PCDHGA1: variants seen among roughly 807,000 people sequenced by gnomAD.
The protein encoded by PCDHGA1 is protocadherin gamma subfamily A, 1, also known as protocadherin gamma-A1.
Under a neutral mutation model 58.0 loss-of-function variants are expected in PCDHGA1, and 32 were observed. The ratio of observed to expected loss-of-function variants is 0.55; its 90% confidence interval spans 0.42 to 0.74. PCDHGA1 has a LOEUF of 0.74. PCDHGA1 is among the 30% of genes least tolerant of loss of function. PCDHGA1 has a pLI of 0.00. For missense variants in PCDHGA1, 1,205 were observed against 1,182.3 expected, an observed-to-expected ratio of 1.02 and a Z score of -0.28; for synonymous variants, 498 against 501.1, an observed-to-expected ratio of 0.99 and a Z score of 0.08.
At chr5:141,338,497 C>T (rs1341838105) in intron 1 of PCDHGA1, among the ~76,000 whole-genome samples, 1 of 152,190 alleles carries the variant, frequency 6.6e-6, no homozygotes, top group Non-Finnish European at 1.5e-5. Context: ...ATGCCTTGAG[C>T]AGTCAATAAT....
At chr5:141,408,879 C>A in intron 1 of PCDHGA1, 1 of 1,613,504 alleles carries the variant, frequency 6.2e-7, no homozygotes. Context: ...AGTGCCACCG[C>A]TCACATAGAA....
intron 1 of PCDHGA1, chr5:141,352,221 C>A: frequency 6.2e-7 from 1 of 1,614,072 alleles, no homozygotes; most frequent in Non-Finnish European, 8.5e-7. Context: ...TCCGCCACCG[C>A]CACGCTGCAC....
chr5:141,363,785 C>G (rs1268075171), intron 1 of PCDHGA1, among the ~76,000 whole-genome samples: 1 of 152,020 alleles, frequency 6.6e-6, no homozygotes, highest in Non-Finnish European at 1.5e-5. Context: ...CTAAATTTAT[C>G]CTAATAAGGA....
intron 1 of PCDHGA1, chr5:141,396,533 T>A (rs942972836): frequency 2.0e-5 from 3 of 151,264 alleles, no homozygotes; most frequent in African/African-American, 7.3e-5. Flanking sequence ...GGCAGAAGAA[T>A]CACTTGAACC....
chr5:141,456,678 T>C (rs2098875796), intron 1 of PCDHGA1, among the ~76,000 whole-genome samples: 1 of 152,152 alleles, frequency 6.6e-6, no homozygotes, highest in South Asian at 2.1e-4. Flanking sequence ...TAAAAATGCA[T>C]TACTGGCCAG....
At position 141,355,954 on chromosome 5, in the gene PCDHGA1, C is replaced by T. The variant is rs748883538; in HGVS notation, c.2421+22849C>T. The stretch of plus-strand genomic sequence containing the variant: ...TCAGCCCGAGTACCACGTAAGTGTT[C>T]GTGAGAACGTTCCTGTAGGCACTCG... On this transcript the variant is annotated intron_variant, in intron 1 of 3. Coordinates refer to ENST00000517417, the MANE Select transcript of PCDHGA1 (RefSeq NM_018912.3). The T allele has an allele frequency of 1.9e-5, 30 of 1,613,706 alleles. No individual in the cohort carries two copies. In the African/African-American group the frequency reaches 2.9e-4, roughly 16 times the overall value.
chr5:141,343,926 A>T (rs895035430), intron 1 of PCDHGA1: 2 of 1,025,560 alleles, frequency 2.0e-6, no homozygotes, highest in African/African-American at 3.3e-5. Context: ...CAGCTGTTTG[A>T]CCTGTGAATT....
At chr5:141,478,535 C>G (rs1359742091) in intron 1 of PCDHGA1, 1 of 1,607,794 alleles carries the variant, frequency 6.2e-7, no homozygotes, top group Non-Finnish European at 8.5e-7. Flanking sequence ...AGAGAGCGCC[C>G]CTCCCGGACA....
intron 1 of PCDHGA1, chr5:141,370,780 A>T (rs1185164104): frequency 6.2e-7 from 1 of 1,613,990 alleles, no homozygotes; most frequent in Non-Finnish European, 8.5e-7. Context: ...ATTAACGACA[A>T]CCCACCGACC....
At position 141,509,907 on chromosome 5, in the gene PCDHGA1, C is replaced by G. The variant is rs149338646; in HGVS notation, c.2570-1040C>G. Among the ~76,000 whole-genome samples, 567 of 152,300 alleles carry G rather than the reference C, an allele frequency of 3.7e-3. 5 individuals carry two copies. Among genetic ancestry groups the G allele is most frequent in the Admixed American group, 0.011 (163 of 15,296 alleles). ...GTGACTGACTGTCCCTTCCAGCATGCGCTTAGGTACACTTGGGCCTGAATG... is the reference window on the plus strand; with the variant it reads ...GTGACTGACTGTCCCTTCCAGCATGGGCTTAGGTACACTTGGGCCTGAATG... On this transcript the variant is annotated intron_variant, in intron 3 of 3. Coordinates refer to ENST00000517417, the MANE Select transcript of PCDHGA1 (RefSeq NM_018912.3).
rs564226347 is a variant in PCDHGA1 at position 141,361,741 on chromosome 5, G to C, written c.2421+28636G>C. ...CTTCGAGCTCACACTGCAGGCCCGC[G>C]ACCAGGGCTCGCCCGCGCTCAGCGC... On this transcript the variant is annotated intron_variant, in intron 1 of 3. Coordinates refer to ENST00000517417, the MANE Select transcript of PCDHGA1 (RefSeq NM_018912.3). The C allele has an allele frequency of 2.5e-5, 40 of 1,613,146 alleles. No homozygotes were observed. The South Asian group carries it at 4.0e-4, about 16-fold the overall frequency.
In PCDHGA1 at chr5:141,389,981, G is replaced by T. The variant is rs750738084; in HGVS notation, c.2421+56876G>T. On this transcript the variant is annotated intron_variant, in intron 1 of 3. Transcript: ENST00000517417. ...TGGTGGCCTTGGCCTTGATCTCAGT[G>T]CTCTTCCTCGTGGCCATGATTCTGG... The T allele has an allele frequency of 2.5e-6, 4 of 1,614,006 alleles. No homozygotes were observed. The South Asian group carries it at 4.4e-5, about 18-fold the overall frequency.
intron 2 of PCDHGA1, among the ~76,000 whole-genome samples, chr5:141,505,113 G>A (rs1254889990): frequency 6.6e-6 from 1 of 152,178 alleles, no homozygotes; most frequent in East Asian, 1.9e-4. Context: ...AATGAGCCAA[G>A]ATCGCGCCAC....
At chr5:141,352,214 G>A (rs1440870321) in intron 1 of PCDHGA1, 5 of 1,613,928 alleles carry the variant, frequency 3.1e-6, no homozygotes, top group East Asian at 2.2e-5. Context: ...GCCACTCTCC[G>A]CCACCGCCAC....
chr5:141,347,125 TCC>T, intron 1 of PCDHGA1, among the ~76,000 whole-genome samples: 6 of 137,672 alleles, frequency 4.4e-5, no homozygotes, highest in African/African-American at 8.0e-5. Context: ...CTTCCTTCCT[TCC>T]TCTGTTTCTC....
chr5:141,461,655 ATTTTAAAG>A (rs2099019832), intron 1 of PCDHGA1, among the ~76,000 whole-genome samples: 1 of 152,022 alleles, frequency 6.6e-6, no homozygotes, highest in African/African-American at 2.4e-5. Flanking sequence ...CCCATGGATT[ATTTTAAAG>A]TTTGTTATTT....
At chr5:141,468,802 C>G (rs928501013) in intron 1 of PCDHGA1, among the ~76,000 whole-genome samples, 1 of 151,620 alleles carries the variant, frequency 6.6e-6, no homozygotes, top group African/African-American at 2.4e-5. Context: ...GGAGGCGGAA[C>G]TTGCAGTGAG....
At chr5:141,377,334 G>C (rs1046555445) in intron 1 of PCDHGA1, 3 of 152,142 alleles carry the variant, frequency 2.0e-5, no homozygotes, top group South Asian at 4.1e-4. Flanking sequence ...TAGCTAGCAT[G>C]GTGGTTCACG....
intron 1 of PCDHGA1, chr5:141,361,749 C>G: frequency 6.2e-7 from 1 of 1,613,058 alleles, no homozygotes; most frequent in Non-Finnish European, 8.5e-7. Flanking sequence ...GCGACCAGGG[C>G]TCGCCCGCGC....
Sources: allele counts gnomAD v4.1 joint callset (sites outside exome capture counted in the v4.1 genomes callset), GRCh38; gene constraint gnomAD v4.1.1; transcripts MANE v1.5; gene names NCBI Gene and HGNC (gene_info 2026-07-23, HGNC 2026-07-21).